Variants in PHEX observed in about 807,000 individuals in gnomAD.
PHEX encodes the protein phosphate regulating endopeptidase X-linked, also known as phosphate-regulating neutral endopeptidase PHEX.
PHEX carries 16 observed loss-of-function variants against 68.0 expected under a neutral mutation model. The ratio of observed to expected loss-of-function variants is 0.24; its 90% CI spans 0.16 to 0.36. The LOEUF is 0.36. Among genes scored for constraint, PHEX ranks in the 10% least tolerant of loss-of-function variants. The probability of loss-of-function intolerance (pLI) is 1.00; values close to 1 mark genes in which losing one functional copy is unlikely to be tolerated. For synonymous variants in PHEX, 208 were observed against 205.1 expected (o/e 1.01, Z -0.12); for missense variants, 480 against 575.5 (o/e 0.83, Z 1.70).
intron 15 of PHEX, among the ~76,000 whole-genome samples, chrX:22,209,693 C>CCTCCCTCTCCCTCTCTTCCCTCTG (rs768524200): frequency 0.011 from 856 of 77,455 alleles, 2 homozygotes; most frequent in Non-Finnish European, 0.02. Context: ...TCCTCCCTCT[C>CCTCCCTCTCCCTCTCTTCCCTCTG]CTCCCTCTCC....
intron 12 of PHEX, among the ~76,000 whole-genome samples, chrX:22,158,368 G>A (rs763203710): frequency 1.8e-5 from 2 of 112,149 alleles, no homozygotes; most frequent in African/African-American, 3.2e-5. Flanking sequence ...GCAAGCTTAG[G>A]AAAGTTGCCC....
intron 3 of PHEX, among the ~76,000 whole-genome samples, chrX:22,055,640 C>T (rs1334897928): frequency 9.0e-6 from 1 of 111,412 alleles, no homozygotes; most frequent in African/African-American, 3.3e-5. Context: ...CGGCTCACCG[C>T]AACCTCTGCC....
chrX:22,224,947 A>AATTATCATACAGCGATGTATGATTT (rs1935400383), intron 18 of PHEX, among the ~76,000 whole-genome samples: 2 of 23,246 alleles, frequency 8.6e-5, no homozygotes, highest in Non-Finnish European at 1.6e-4. Flanking sequence ...AAATAACATA[A>AATTATCATACAGCGATGTATGATTT]ATTATCATAC....
intron 12 of PHEX, among the ~76,000 whole-genome samples, chrX:22,153,825 C>T (rs183694960): frequency 2.0e-4 from 22 of 111,911 alleles, no homozygotes; most frequent in African/African-American, 5.8e-4. Flanking sequence ...AACTGGATTG[C>T]GTGCTAATTT....
In PHEX at chrX:22,249,475, T is replaced by A. The variant is rs1282442430; in HGVS notation, c.*1522T>A. ...AAAAAAATATATATATATATATATA[T>A]ATATATATATATGTATATCTACCTA... On this transcript the variant is annotated 3_prime_UTR_variant, in exon 22 of 22. Transcript: ENST00000379374. The A allele has an allele frequency of 1.2e-5, 1 of 85,923 alleles. No homozygotes were observed. Among genetic ancestry groups the A allele is most frequent in the African/African-American group, 5.0e-5 (1 of 20,182 alleles). The allele number at this position is 85,923 out of a possible 1,213,427, so 7.1% of individuals were successfully genotyped here.
chrX:22,133,010 C>T (rs866080565), intron 11 of PHEX, among the ~76,000 whole-genome samples: 52 of 110,969 alleles, frequency 4.7e-4, no homozygotes, highest in African/African-American at 1.5e-3. Context: ...CTTCAGCCTC[C>T]TGAGTAGCTG....
chrX:22,187,799 TG>T (rs768151125), intron 14 of PHEX, among the ~76,000 whole-genome samples: 2 of 111,931 alleles, frequency 1.8e-5, no homozygotes, highest in East Asian at 5.6e-4. Context: ...TATGGAAATA[TG>T]TCTAGGTTTC....
chrX:22,125,082 T>C (rs1931656829), intron 11 of PHEX, among the ~76,000 whole-genome samples: 1 of 112,202 alleles, frequency 8.9e-6, no homozygotes, highest in East Asian at 2.8e-4. Flanking sequence ...AGTTATAGTA[T>C]AAGTAATTAA....
intron 9 of PHEX, among the ~76,000 whole-genome samples, chrX:22,103,068 G>T (rs746908415): frequency 9.0e-6 from 1 of 111,581 alleles, no homozygotes; most frequent in Non-Finnish European, 1.9e-5. Flanking sequence ...CCTCTAAGAG[G>T]AAACAGAGCT....
At chrX:22,195,914 C>T (rs1203187049) in intron 15 of PHEX, among the ~76,000 whole-genome samples, 1 of 111,719 alleles carries the variant, frequency 9.0e-6, no homozygotes, top group African/African-American at 3.3e-5. Context: ...TGGTGGCTCA[C>T]GCTTGTAATC....
intron 12 of PHEX, among the ~76,000 whole-genome samples, chrX:22,160,906 G>T (rs1933101966): frequency 9.0e-6 from 1 of 111,016 alleles, no homozygotes; most frequent in Admixed American, 9.6e-5. Context: ...GGCTGAGGTG[G>T]ACATATCATT....
At chrX:22,043,563 A>T (rs186441186) in intron 2 of PHEX, among the ~76,000 whole-genome samples, 211 of 112,015 alleles carry the variant, frequency 1.9e-3, no homozygotes, top group Non-Finnish European at 3.0e-3. Flanking sequence ...AAGTGGTCTG[A>T]CTAGAGTTTG....
At chrX:22,075,018 A>T (rs1168133128) in intron 3 of PHEX, among the ~76,000 whole-genome samples, 1 of 106,980 alleles carries the variant, frequency 9.3e-6, no homozygotes, top group East Asian at 3.0e-4. Context: ...CAGAGGCTGC[A>T]GTGAGCTGAG....
chrX:22,092,076 C>A (rs1490140161), intron 6 of PHEX, among the ~76,000 whole-genome samples: 3 of 111,568 alleles, frequency 2.7e-5, no homozygotes, highest in Non-Finnish European at 3.8e-5. Flanking sequence ...ACCATATCAC[C>A]CACCTCACAG....
chrX:22,034,697 T>A (rs1926934039), intron 1 of PHEX, among the ~76,000 whole-genome samples: 1 of 111,610 alleles, frequency 9.0e-6, no homozygotes, highest in African/African-American at 3.3e-5. Context: ...CCTCTACAAC[T>A]TTGCTTCTCA....
chrX:22,208,057 C>T (rs1934769170), intron 15 of PHEX, among the ~76,000 whole-genome samples: 1 of 86,128 alleles, frequency 1.2e-5, no homozygotes, highest in Non-Finnish European at 2.2e-5. Context: ...CCCCGACAGG[C>T]CCCTGTGTAC....
At chrX:22,111,166 C>T (rs890115518) in intron 9 of PHEX, among the ~76,000 whole-genome samples, 3 of 112,074 alleles carry the variant, frequency 2.7e-5, no homozygotes, top group Admixed American at 9.4e-5. Flanking sequence ...TTTCCAGACA[C>T]GAAAGGCTGT....
intron 20 of PHEX, among the ~76,000 whole-genome samples, chrX:22,229,204 C>T (rs1163845549): frequency 1.8e-5 from 2 of 111,975 alleles, no homozygotes; most frequent in African/African-American, 6.5e-5. Flanking sequence ...CATAAGTGTG[C>T]ATGGCATCTT....
At chrX:22,211,411 C>T (rs6528097) in intron 15 of PHEX, among the ~76,000 whole-genome samples, 2 of 110,675 alleles carry the variant, frequency 1.8e-5, no homozygotes, top group Non-Finnish European at 3.8e-5. Flanking sequence ...AGTCATTAGC[C>T]TGAGTGTTAC....
Sources: gnomAD v4.1 joint callset for allele counts (sites outside exome capture counted in the v4.1 genomes callset) on GRCh38, gnomAD v4.1.1 for gene constraint, MANE v1.5 for transcripts, NCBI Gene and HGNC (gene_info 2026-07-23, HGNC 2026-07-21) for gene names.